Variants in TRPM2 observed in about 807,000 individuals in gnomAD.
TRPM2 encodes transient receptor potential cation channel subfamily M member 2.
A neutral mutation model predicts 174.0 loss-of-function variants in TRPM2; 161 were observed. The ratio of observed to expected loss-of-function variants is 0.93; its 90% CI spans 0.81 to 1.05. The LOEUF is 1.05. Ranked by LOEUF, TRPM2 falls within the 50% of genes least tolerant of loss-of-function variation. The probability of loss-of-function intolerance (pLI) is 0.00; values close to 1 mark genes in which losing one functional copy is unlikely to be tolerated. For missense variants in TRPM2, 2,057 were observed against 2,038.0 expected (o/e 1.01, Z -0.18); for synonymous variants, 954 against 861.3 (o/e 1.11, Z -1.88).
chr21:44,417,735 C>T (rs111371083), intron 20 of TRPM2, among the ~76,000 whole-genome samples, 192 bp from the exon 21 acceptor site: 2,166 of 138,210 alleles, frequency 0.016, 83 homozygotes, highest in African/African-American at 0.043. Flanking sequence ...ACAGTGGGCA[C>T]GTGGGCGTGG....
chr21:44,434,499 C>T (rs112568024), intron 27 of TRPM2, among the ~76,000 whole-genome samples: 21 of 152,170 alleles, frequency 1.4e-4, no homozygotes, highest in Admixed American at 4.6e-4. Context: ...CGCACGATAG[C>T]GGCAGTGCAT....
intron 2 of TRPM2, among the ~76,000 whole-genome samples, chr21:44,361,273 T>C (rs1259728746): frequency 6.6e-6 from 1 of 152,018 alleles, no homozygotes; most frequent in Admixed American, 6.6e-5. Context: ...CCACCACGCC[T>C]GGCTAATTTT....
chr21:44,403,606 CACAT>C (rs1302333990), intron 16 of TRPM2, among the ~76,000 whole-genome samples: 1 of 150,990 alleles, frequency 6.6e-6, no homozygotes, highest in Non-Finnish European at 1.5e-5. Context: ...ACACAGTACA[CACAT>C]AGGCACACAC....
upstream of TRPM2, among the ~76,000 whole-genome samples, chr21:44,352,158 T>C (rs1437744731): frequency 6.6e-6 from 1 of 152,136 alleles, no homozygotes; most frequent in Non-Finnish European, 1.5e-5. Flanking sequence ...AAGCTGGTTG[T>C]GAAGCCGGGC....
chr21:44,417,326 T>G (rs2050332384), intron 20 of TRPM2, among the ~76,000 whole-genome samples: 1 of 130,982 alleles, frequency 7.6e-6, no homozygotes, highest in Non-Finnish European at 1.6e-5. Flanking sequence ...GGCTCTGCTC[T>G]CTGGCATCAC....
intron 22 of TRPM2, among the ~76,000 whole-genome samples, chr21:44,420,748 C>T (rs2050519815): frequency 1.3e-5 from 2 of 152,206 alleles, no homozygotes; most frequent in Admixed American, 1.3e-4. Flanking sequence ...GCTGGAAGGC[C>T]ACAGCTCTGC....
chr21:44,426,845 C>T, intron 26 of TRPM2, 109 bp downstream of exon 26: 1 of 1,446,864 alleles, frequency 6.9e-7, no homozygotes, highest in Non-Finnish European at 9.6e-7. Context: ...TCCAGGTGAG[C>T]AGGAGGGGCC....
intron 16 of TRPM2, among the ~76,000 whole-genome samples, chr21:44,403,575 C>T (rs1363502185): frequency 1.3e-5 from 2 of 151,766 alleles, no homozygotes; most frequent in African/African-American, 4.8e-5. Flanking sequence ...CATATGTACA[C>T]ACATACATGC....
chr21:44,370,969 C>T (rs981819727), intron 5 of TRPM2, among the ~76,000 whole-genome samples: 19 of 152,354 alleles, frequency 1.2e-4, no homozygotes, highest in Admixed American at 1.1e-3. Context: ...TGTCCCAGCC[C>T]GGCTGCCGCC....
chr21:44,399,619 G>A lies in TRPM2; in HGVS notation c.2208+178G>A, dbSNP rs2049546738. Among the ~76,000 whole-genome samples the A allele has an allele frequency of 2.0e-5, 3 of 152,232 alleles. No homozygotes were observed. In the South Asian group the frequency reaches 6.2e-4, roughly 31 times the overall value. ...CCAGGCTCTGGCCTCCCATTTTGCA[G>A]ATGGGGGGAAGCTAACATGAAGCAA... On this transcript the variant is annotated intron_variant, in intron 14 of 31. Transcript: ENST00000397928. The surrounding 1 kb of genome is among the most constrained non-coding windows in gnomAD (Gnocchi z 4.6).
chr21:44,390,747 G>A (rs1175823384), intron 9 of TRPM2, among the ~76,000 whole-genome samples, 157 bp from the exon 10 acceptor site: 1 of 152,196 alleles, frequency 6.6e-6, no homozygotes, highest in African/African-American at 2.4e-5. Context: ...TTGCAAGGCT[G>A]TGTGTATGGG....
At chr21:44,413,387 C>T (rs560776269) in intron 19 of TRPM2, among the ~76,000 whole-genome samples, 57 of 152,090 alleles carry the variant, frequency 3.7e-4, no homozygotes, top group African/African-American at 1.2e-3. Flanking sequence ...GGATTATAGG[C>T]GCCCGCCACC....
chr21:44,383,647 TAAGA>T (rs2048944861), intron 9 of TRPM2, among the ~76,000 whole-genome samples: 1 of 152,248 alleles, frequency 6.6e-6, no homozygotes, highest in African/African-American at 2.4e-5. Context: ...TCAATAGATT[TAAGA>T]TAGATATTAT....
At chr21:44,388,081 G>A (rs1407455501) in intron 9 of TRPM2, among the ~76,000 whole-genome samples, 1 of 152,184 alleles carries the variant, frequency 6.6e-6, no homozygotes, top group African/African-American at 2.4e-5. Context: ...TTAAAGCAGG[G>A]TCTGGAAGAG....
Position 44,418,054 on chromosome 21 carries a change from CTCT to C in TRPM2, c.3277_3279del (p.Phe1093del). ...CTTCATCCTCCTCAGCCACCTGCAG[CTCT>C]TCATCAAGAGGGTGGTCCTGAAGAC... On this transcript the variant is annotated inframe_deletion, in exon 21 of 32. Transcript: ENST00000397928. The C allele has an allele frequency of 1.9e-6, 3 of 1,613,226 alleles. No individual in the cohort carries two copies. Among genetic ancestry groups the C allele is most frequent in the Non-Finnish European group, 2.5e-6 (3 of 1,180,016 alleles).
intron 26 of TRPM2, 38 bp downstream of exon 26, chr21:44,426,774 C>A: frequency 6.2e-7 from 1 of 1,608,668 alleles, no homozygotes. Context: ...CAGCTGGCCC[C>A]AAACCCAGGG....
chr21:44,385,381 T>A (rs1465734741), intron 9 of TRPM2, among the ~76,000 whole-genome samples: 2 of 152,196 alleles, frequency 1.3e-5, no homozygotes, highest in African/African-American at 4.8e-5. Context: ...TATACATGCT[T>A]ACATTAAAAA....
chr21:44,407,866 C>CT (rs200733731), intron 19 of TRPM2, among the ~76,000 whole-genome samples: 36 of 150,212 alleles, frequency 2.4e-4, no homozygotes, highest in Middle Eastern at 6.8e-3. Context: ...TCCACTTTTC[C>CT]TTTTTTTTAA....
chr21:44,367,367 A>G lies in TRPM2; in HGVS notation c.604+433A>G, dbSNP rs762426. On this transcript the variant is annotated intron_variant, in intron 4 of 31. Transcript: ENST00000397928. This position sits in a 1 kb window ranked among gnomAD's most constrained non-coding sequence, Gnocchi z 4.6. ...TTGTAGGGGGTCAGCGAGAGTTCCC[A>G]GTCATCAAGCTTTCCATTATCGTGT... 0.24 allele frequency among the ~76,000 whole-genome samples: 36,888 copies of G among 152,134 alleles called. 4,744 individuals are homozygous for G. The highest frequency in any genetic ancestry group is 0.34 in the African/African-American group (14,112 of 41,472).
Sources: allele counts gnomAD v4.1 joint callset (sites outside exome capture counted in the v4.1 genomes callset), GRCh38; gene constraint gnomAD v4.1.1; non-coding constraint Gnocchi (gnomAD v3.1); transcripts MANE v1.5; gene names NCBI Gene and HGNC (gene_info 2026-07-23, HGNC 2026-07-21).